The following ZNF451 variants were observed in gnomAD, a reference collection of about 807,000 sequenced individuals.
ZNF451 encodes the protein E3 SUMO-protein ligase ZNF451.
Under a neutral mutation model 107.1 loss-of-function variants are expected in ZNF451, and 80 were observed. The ratio of observed to expected loss-of-function variants is 0.75; its 90% CI spans 0.62 to 0.90. The LOEUF (loss-of-function observed/expected upper bound fraction) is 0.90, where lower values mean the gene tolerates loss of function less well. ZNF451 is among the 40% of genes least tolerant of loss of function. The pLI, the probability that ZNF451 is intolerant of heterozygous loss-of-function variation, is 0.00. For missense variants in ZNF451, 1,107 were observed against 1,236.2 expected (o/e 0.90, Z 1.57); for synonymous variants, 362 against 406.5 (o/e 0.89, Z 1.32).
chr6:57,152,178 TCTC>T, intron 11 of ZNF451, 40 bp from the exon 12 acceptor site: 1 of 1,568,502 alleles, frequency 6.4e-7, no homozygotes, highest in Non-Finnish European at 8.6e-7. Flanking sequence ...TGGCCTTTCC[TCTC>T]CTGTTTGATT....
intron 3 of ZNF451, among the ~76,000 whole-genome samples, chr6:57,119,217 A>G (rs1439283681): frequency 6.6e-6 from 1 of 152,160 alleles, no homozygotes; most frequent in African/African-American, 2.4e-5. Flanking sequence ...TTTGTAACCA[A>G]TCATTCTGGT....
At chr6:57,164,567 G>C (rs972354152) in intron 14 of ZNF451, among the ~76,000 whole-genome samples, 1 of 152,182 alleles carries the variant, frequency 6.6e-6, no homozygotes, top group Non-Finnish European at 1.5e-5. Context: ...GTAAATGTTA[G>C]CAATATGCCT....
intron 13 of ZNF451, 38 bp downstream of exon 13, chr6:57,154,085 G>A: frequency 6.2e-7 from 1 of 1,609,080 alleles, no homozygotes; most frequent in South Asian, 1.1e-5. Context: ...CACCCAAGAG[G>A]AGGAGACTTC....
At chr6:57,094,146 C>G (rs1455230391) in intron 2 of ZNF451, among the ~76,000 whole-genome samples, 1 of 152,132 alleles carries the variant, frequency 6.6e-6, no homozygotes, top group Non-Finnish European at 1.5e-5. Context: ...TTTCTCATAA[C>G]AGGAATGAAA....
At chr6:57,098,995 A>T in intron 2 of ZNF451, 66 bp from the exon 3 acceptor site, 1 of 1,290,788 alleles carries the variant, frequency 7.7e-7, no homozygotes, top group African/African-American at 1.5e-5. Context: ...AAAACACTGT[A>T]GGTTTAAATG....
intron 14 of ZNF451, among the ~76,000 whole-genome samples, chr6:57,163,052 A>T (rs993703373): frequency 6.6e-6 from 1 of 152,314 alleles, no homozygotes. Flanking sequence ...TGTGAGAAGC[A>T]TATGGTGGTT....
chr6:57,103,505 C>T, intron 3 of ZNF451: 1 of 985,312 alleles, frequency 1.0e-6, no homozygotes, highest in Non-Finnish European at 1.2e-6. Context: ...AGTATCTTCT[C>T]TTTAGACTCA....
In ZNF451 at chr6:57,148,627, A is replaced by G. The variant is rs753925147; in HGVS notation, c.2542A>G (p.Ile848Val). The G allele has an allele frequency of 6.2e-7, 1 of 1,614,054 alleles. No individual in the cohort carries two copies. Among genetic ancestry groups the G allele is most frequent in the South Asian group, 1.1e-5 (1 of 91,062 alleles). The change falls in exon 10 of 15, where the codon ATA becomes GTA. Residue 848 changes from isoleucine (I) to valine (V), a missense_variant. Coordinates refer to ENST00000370706, the MANE Select transcript of ZNF451 (RefSeq NM_001031623.3). ...TACAGAGAGAAAACTGAAACAGGCA[A>G]TAAACTATTCAAAAAGTTTAGACAT... Reference protein sequence around the residue: ...SHTERKLKQAINYSKSLDMEK... With the variant: ...SHTERKLKQAVNYSKSLDMEK...
intron 3 of ZNF451, among the ~76,000 whole-genome samples, chr6:57,110,341 TA>T (rs983508671): frequency 6.6e-6 from 1 of 152,200 alleles, no homozygotes; most frequent in Non-Finnish European, 1.5e-5. Flanking sequence ...CCATTACTTG[TA>T]AGGTTCTAGG....
At chr6:57,168,244 G>T (rs1472363407) in intron 14 of ZNF451, among the ~76,000 whole-genome samples, 179 bp from the exon 15 acceptor site, 2 of 152,100 alleles carry the variant, frequency 1.3e-5, no homozygotes, top group East Asian at 1.9e-4. Flanking sequence ...ATCATGTCTA[G>T]ATTTTCATAT....
intron 7 of ZNF451, among the ~76,000 whole-genome samples, chr6:57,141,050 G>A (rs1049952075): frequency 6.6e-6 from 1 of 151,974 alleles, no homozygotes; most frequent in Non-Finnish European, 1.5e-5. Context: ...GAAAGCAAAT[G>A]TTCTTCTATA....
intron 2 of ZNF451, chr6:57,091,594 C>T (rs910757373): frequency 2.6e-5 from 4 of 152,818 alleles, no homozygotes; most frequent in African/African-American, 9.7e-5. Flanking sequence ...GCATGGGTTT[C>T]CAAAGCAGAA....
chr6:57,131,054 C>T (rs2127964898), intron 5 of ZNF451, among the ~76,000 whole-genome samples: 1 of 152,214 alleles, frequency 6.6e-6, no homozygotes, highest in South Asian at 2.1e-4. Flanking sequence ...AGAGAGGAAT[C>T]ACAGTTCTCT....
chr6:57,111,867 A>G (rs561974318), intron 3 of ZNF451, among the ~76,000 whole-genome samples: 2 of 152,216 alleles, frequency 1.3e-5, no homozygotes, highest in Non-Finnish European at 2.9e-5. Context: ...TGAATAAAGT[A>G]CTTTACAGAA....
chr6:57,095,841 G>GTTT (rs1381199562), intron 2 of ZNF451, among the ~76,000 whole-genome samples: 1 of 150,064 alleles, frequency 6.7e-6, no homozygotes, highest in Non-Finnish European at 1.5e-5. Flanking sequence ...TGTTGTTGTT[G>GTTT]AGACAAGAGT....
intron 6 of ZNF451, among the ~76,000 whole-genome samples, 200 bp downstream of exon 6, chr6:57,133,392 T>C (rs1202747927): frequency 1.3e-5 from 2 of 152,218 alleles, no homozygotes; most frequent in African/African-American, 2.4e-5. Context: ...GCTTTCAGCT[T>C]TATGGGTATA....
intron 2 of ZNF451, among the ~76,000 whole-genome samples, chr6:57,096,767 CTTTTTTTTTTT>C (rs772840052): frequency 6.3e-5 from 5 of 79,952 alleles, no homozygotes; most frequent in Admixed American, 2.6e-4. Flanking sequence ...AATTTTCAGT[CTTTTTTTTTTT>C]TTTTTTTTTT....
At chr6:57,099,707 C>T (rs1244876259) in intron 3 of ZNF451, 1 of 514,910 alleles carries the variant, frequency 1.9e-6, no homozygotes, top group East Asian at 3.0e-5. Flanking sequence ...ACCAATACTT[C>T]CCTTGCTCTG....
At chr6:57,095,417 T>G (rs1397328953) in intron 2 of ZNF451, among the ~76,000 whole-genome samples, 1 of 149,832 alleles carries the variant, frequency 6.7e-6, no homozygotes, top group African/African-American at 2.5e-5. Context: ...ACTGCAGCCT[T>G]GAACTCCTAG....
Sources: allele counts gnomAD v4.1 joint callset (sites outside exome capture counted in the v4.1 genomes callset), GRCh38; gene constraint gnomAD v4.1.1; transcripts MANE v1.5; gene names NCBI Gene and HGNC (gene_info 2026-07-23, HGNC 2026-07-21).